The following RHBDD1 variants were observed in gnomAD, a reference collection of about 807,000 sequenced individuals.
RHBDD1 encodes rhomboid-related protein 4.
In RHBDD1, 38 loss-of-function variants were observed where a neutral mutation model predicts 36.3. The ratio of observed to expected loss-of-function variants is 1.05; its 90% CI spans 0.81 to 1.37. RHBDD1 has a LOEUF of 1.37. RHBDD1 is among the 40% of genes most tolerant of loss of function. The pLI is 0.00. For missense variants in RHBDD1, 393 were observed against 377.6 expected (o/e 1.04, Z -0.34); for synonymous variants, 151 against 136.5 (o/e 1.11, Z -0.74).
chr2:226,849,877 G>GTC lies in RHBDD1; in HGVS notation c.-91+10262_-91+10263dup, dbSNP rs374668804. Among the ~76,000 whole-genome samples the GTC allele has an allele frequency of 2.0e-4, 30 of 151,756 alleles. No individual in the cohort carries two copies. In the South Asian group the frequency reaches 5.8e-3, roughly 30 times the overall value. On this transcript the variant is annotated intron_variant, in intron 3 of 8. Coordinates refer to ENST00000392062, the MANE Select transcript of RHBDD1 (RefSeq NM_001167608.3). ...TCTTTTGAGAATATATATATTTTCTGTCTCTCTCTCTCTACATATATATGT... is the reference window on the plus strand; with the variant it reads ...TCTTTTGAGAATATATATATTTTCTGTCTCTCTCTCTCTCTACATATATATGT...
chr2:226,936,045 A>T lies in RHBDD1; in HGVS notation c.856+21694A>T, dbSNP rs184625334. On this transcript the variant is annotated intron_variant, in intron 8 of 8. Coordinates refer to ENST00000392062, the MANE Select transcript of RHBDD1 (RefSeq NM_001167608.3). ...TGTGACCACTTAACTTCTTTTTTTTAAAAAGTAATTTGGTATGTTCTCCCC... is the reference window on the plus strand; with the variant it reads ...TGTGACCACTTAACTTCTTTTTTTTTAAAAGTAATTTGGTATGTTCTCCCC... Among the ~76,000 whole-genome samples, 771 of 152,058 alleles carry T rather than the reference A, an allele frequency of 5.1e-3. 6 individuals are homozygous for T. The highest frequency in any genetic ancestry group is 0.018 in the African/African-American group (735 of 41,468).
chr2:226,878,558 T>C (rs1366626284), intron 5 of RHBDD1, among the ~76,000 whole-genome samples: 1 of 152,228 alleles, frequency 6.6e-6, no homozygotes, highest in Non-Finnish European at 1.5e-5. Context: ...AGCATACAGC[T>C]TTCCCGATGT....
intron 6 of RHBDD1, 192 bp from the exon 7 acceptor site, chr2:226,908,630 C>T: frequency 2.1e-5 from 11 of 523,774 alleles, no homozygotes; most frequent in South Asian, 2.3e-5. Flanking sequence ...CATTCTTTTC[C>T]CTGTAGGGAC....
At chr2:226,987,549 C>T (rs983718149) in intron 8 of RHBDD1, among the ~76,000 whole-genome samples, 1 of 152,204 alleles carries the variant, frequency 6.6e-6, no homozygotes. Context: ...TTGCACTCTC[C>T]CATCTCTCCA....
chr2:226,945,118 G>A (rs1404263880), intron 8 of RHBDD1, among the ~76,000 whole-genome samples: 1 of 150,760 alleles, frequency 6.6e-6, no homozygotes, highest in African/African-American at 2.4e-5. Context: ...GTTTAATCCT[G>A]AGGACAGTGG....
At chr2:226,803,254 A>G in the RHBDD1 span, among the ~76,000 whole-genome samples, 12 of 152,168 alleles carry the variant, frequency 7.9e-5, no homozygotes, top group Non-Finnish European at 1.3e-4. Context: ...ACAGCTTCTT[A>G]CAGCTTTGAT....
intron 5 of RHBDD1, among the ~76,000 whole-genome samples, chr2:226,905,300 G>A (rs1036840714): frequency 3.9e-5 from 6 of 152,246 alleles, no homozygotes; most frequent in South Asian, 4.1e-4. Flanking sequence ...GACTGGCTTC[G>A]TGCCAGAATA....
chr2:226,902,609 TTA>T, intron 5 of RHBDD1, among the ~76,000 whole-genome samples: 1 of 152,340 alleles, frequency 6.6e-6, no homozygotes, highest in South Asian at 2.1e-4. Context: ...TCCTGTTTTT[TTA>T]TGTGTGTGAT....
chr2:226,807,857 T>C, the RHBDD1 span, among the ~76,000 whole-genome samples: 11 of 152,138 alleles, frequency 7.2e-5, no homozygotes, highest in African/African-American at 2.7e-4. Context: ...CCCAGCACTT[T>C]GGGAGGCCGA....
intron 8 of RHBDD1, among the ~76,000 whole-genome samples, chr2:226,958,359 CAAGGCCTA>C (rs1476840854): frequency 1.3e-5 from 2 of 152,088 alleles, no homozygotes; most frequent in African/African-American, 4.8e-5. Flanking sequence ...TTGGTGGAGC[CAAGGCCTA>C]AAGGTAGTGG....
At chr2:226,919,131 T>G (rs1023222602) in intron 8 of RHBDD1, among the ~76,000 whole-genome samples, 1 of 152,116 alleles carries the variant, frequency 6.6e-6, no homozygotes, top group African/African-American at 2.4e-5. Flanking sequence ...GAAATGTCTA[T>G]TCAGATCTTT....
At chr2:226,834,921 G>T (rs1024984736), upstream of RHBDD1, among the ~76,000 whole-genome samples, 1 of 152,128 alleles carries the variant, frequency 6.6e-6, no homozygotes, top group Non-Finnish European at 1.5e-5. Context: ...GATTACAGGC[G>T]CCCGCAACCA....
intron 8 of RHBDD1, among the ~76,000 whole-genome samples, chr2:226,918,339 C>T (rs1033989247): frequency 1.3e-5 from 2 of 151,894 alleles, no homozygotes; most frequent in Non-Finnish European, 2.9e-5. Context: ...TCCAGTTCTA[C>T]TCTTTTAGTT....
chr2:226,852,371 G>T (rs886867624), intron 3 of RHBDD1, among the ~76,000 whole-genome samples: 11 of 152,148 alleles, frequency 7.2e-5, no homozygotes, highest in Non-Finnish European at 8.8e-5. Flanking sequence ...AGAAATTCTG[G>T]TGACTCTAGA....
At chr2:226,837,548 C>T (rs559203571) in intron 1 of RHBDD1, 66 of 152,042 alleles carry the variant, frequency 4.3e-4, no homozygotes, top group African/African-American at 1.5e-3. Flanking sequence ...ATCTCTTCAG[C>T]TTTGTTTGGA....
chr2:226,942,098 C>T (rs540907593), intron 8 of RHBDD1, among the ~76,000 whole-genome samples: 9 of 152,222 alleles, frequency 5.9e-5, no homozygotes, highest in African/African-American at 1.9e-4. Context: ...AAAAGTATAT[C>T]TAGGCTGCTA....
the RHBDD1 span, among the ~76,000 whole-genome samples, chr2:226,816,843 C>A: frequency 7.2e-6 from 1 of 139,504 alleles, no homozygotes; most frequent in African/African-American, 2.5e-5. Context: ...TTGCAGTGGG[C>A]CCAGATAGCA....
chr2:226,852,940 A>ATTATT (rs1219880258), intron 3 of RHBDD1, among the ~76,000 whole-genome samples: 1 of 147,048 alleles, frequency 6.8e-6, no homozygotes, highest in African/African-American at 2.5e-5. Context: ...TATTATTATT[A>ATTATT]TTATTATTTG....
intron 4 of RHBDD1, among the ~76,000 whole-genome samples, chr2:226,865,610 T>G (rs1944259773): frequency 6.6e-6 from 1 of 152,186 alleles, no homozygotes; most frequent in Non-Finnish European, 1.5e-5. Flanking sequence ...GGATTCATCG[T>G]GAGCCCATCT....
Sources: allele counts gnomAD v4.1 joint callset (sites outside exome capture counted in the v4.1 genomes callset), GRCh38; gene constraint gnomAD v4.1.1; transcripts MANE v1.5; gene names NCBI Gene and HGNC (gene_info 2026-07-23, HGNC 2026-07-21).